Variants in SLC36A1 observed in about 807,000 individuals in gnomAD.
SLC36A1 encodes the protein proton-coupled amino acid transporter 1.
SLC36A1 carries 30 observed loss-of-function variants against 47.5 expected under a neutral mutation model. The observed-to-expected ratio is 0.63, with a 90% CI of 0.47 to 0.86. SLC36A1 has a LOEUF of 0.86. SLC36A1 is among the 40% of genes least tolerant of loss of function. The probability of loss-of-function intolerance (pLI) is 0.00; values close to 1 mark genes in which losing one functional copy is unlikely to be tolerated. For missense variants in SLC36A1, 517 were observed against 606.0 expected (o/e 0.85, Z 1.54); for synonymous variants, 255 against 249.7 (o/e 1.02, Z -0.20).
the SLC36A1 span, among the ~76,000 whole-genome samples, chr5:151,509,046 GAC>G: frequency 4.6e-5 from 7 of 152,140 alleles, no homozygotes; most frequent in African/African-American, 1.7e-4. Flanking sequence ...TTCTAGGAAT[GAC>G]AGTTTCCCTT....
At chr5:151,505,942 C>G in the SLC36A1 span, 1 of 1,581,076 alleles carries the variant, frequency 6.3e-7, no homozygotes, top group Non-Finnish European at 8.6e-7. Context: ...AAGGGGAAGC[C>G]CCCATAGAGG....
At chr5:151,430,077 T>C in the SLC36A1 span, among the ~76,000 whole-genome samples, 1 of 152,068 alleles carries the variant, frequency 6.6e-6, no homozygotes, top group African/African-American at 2.4e-5. Flanking sequence ...ATTAGGAGGA[T>C]ATAGAGGTAA....
At chr5:151,515,673 T>C in the SLC36A1 span, among the ~76,000 whole-genome samples, 2 of 152,318 alleles carry the variant, frequency 1.3e-5, no homozygotes, top group African/African-American at 4.8e-5. Flanking sequence ...CCTGTTGGCT[T>C]TGCCTTCAAA....
chr5:151,417,930 C>A, the SLC36A1 span, among the ~76,000 whole-genome samples: 7 of 152,234 alleles, frequency 4.6e-5, no homozygotes, highest in African/African-American at 1.7e-4. Flanking sequence ...GTTTTGTGGG[C>A]CAGGCCTAGG....
At chr5:151,520,482 T>C in the SLC36A1 span, among the ~76,000 whole-genome samples, 4 of 151,244 alleles carry the variant, frequency 2.6e-5, no homozygotes, top group South Asian at 6.3e-4. Flanking sequence ...TGCCGATTAG[T>C]TTAGGTGACA....
At chr5:151,452,377 G>T (rs905668468) in intron 1 of SLC36A1, 1 of 152,196 alleles carries the variant, frequency 6.6e-6, no homozygotes, top group Non-Finnish European at 1.5e-5. Context: ...ATACATCTGG[G>T]GAATTTGCCG....
chr5:151,358,739 C>G, the SLC36A1 span, among the ~76,000 whole-genome samples: 3 of 151,410 alleles, frequency 2.0e-5, no homozygotes, highest in Admixed American at 1.3e-4. Flanking sequence ...TTTGGGAGGC[C>G]GAGGCGGGTG....
At chr5:151,439,604 G>A (rs1031287312) in intron 1 of SLC36A1, among the ~76,000 whole-genome samples, 1 of 149,280 alleles carries the variant, frequency 6.7e-6, no homozygotes, top group East Asian at 2.0e-4. Context: ...AGTGAGCTGA[G>A]ATCATGCCAC....
the SLC36A1 span, among the ~76,000 whole-genome samples, chr5:151,421,019 C>T: frequency 4.0e-5 from 6 of 151,648 alleles, no homozygotes; most frequent in South Asian, 2.1e-4. Context: ...TACAGGCGCC[C>T]GCCACCACAC....
the SLC36A1 span, chr5:151,512,713 G>T: frequency 3.8e-6 from 4 of 1,055,498 alleles, no homozygotes; most frequent in Non-Finnish European, 5.5e-6. The surrounding 1 kb of genome is among the most constrained non-coding windows in gnomAD (Gnocchi z 4.1). Flanking sequence ...TGGGTAGGAG[G>T]GGGGTGTTTG....
At chr5:151,360,519 G>A in the SLC36A1 span, among the ~76,000 whole-genome samples, 2 of 152,232 alleles carry the variant, frequency 1.3e-5, no homozygotes, top group Admixed American at 6.5e-5. Flanking sequence ...TGCTGTTTCA[G>A]GGGTGGCAGG....
At chr5:151,396,790 C>T in the SLC36A1 span, among the ~76,000 whole-genome samples, 1 of 152,296 alleles carries the variant, frequency 6.6e-6, no homozygotes, top group Middle Eastern at 3.4e-3. Context: ...TTGACTACAA[C>T]CCTAGGAAAC....
intron 6 of SLC36A1, 77 bp downstream of exon 6, chr5:151,467,360 T>G (rs1561756497): frequency 9.4e-7 from 1 of 1,065,212 alleles, no homozygotes; most frequent in South Asian, 1.4e-5. Flanking sequence ...AGTTTTTGTT[T>G]AGGATTTTTT....
the SLC36A1 span, chr5:151,531,840 C>G: frequency 6.2e-7 from 1 of 1,614,030 alleles, no homozygotes; most frequent in Non-Finnish European, 8.5e-7. This position sits in a 1 kb window ranked among gnomAD's most constrained non-coding sequence, Gnocchi z 5.7. Flanking sequence ...AGGCACGGAC[C>G]GTGAGCTCCA....
the SLC36A1 span, among the ~76,000 whole-genome samples, chr5:151,393,642 T>C: frequency 1.3e-5 from 2 of 152,194 alleles, no homozygotes; most frequent in Non-Finnish European, 2.9e-5. Context: ...TAAAGGATTT[T>C]ATTTCTCCTT....
the SLC36A1 span, chr5:151,543,630 C>T: frequency 2.5e-6 from 4 of 1,614,068 alleles, no homozygotes; most frequent in South Asian, 2.2e-5. Flanking sequence ...AATCAATCAC[C>T]TTGGTTCCAA....
chr5:151,440,024 G>C (rs1274185602), intron 1 of SLC36A1, among the ~76,000 whole-genome samples: 3 of 152,192 alleles, frequency 2.0e-5, no homozygotes, highest in African/African-American at 4.8e-5. Flanking sequence ...TCATAATGCT[G>C]ATGAATGCTT....
the SLC36A1 span, chr5:151,382,177 CA>C: frequency 9.5e-7 from 1 of 1,050,898 alleles, no homozygotes; most frequent in Non-Finnish European, 1.5e-6. Flanking sequence ...GTGTGCATGG[CA>C]CTGAATGAGC....
chr5:151,541,274 G>A, the SLC36A1 span, among the ~76,000 whole-genome samples: 1 of 152,226 alleles, frequency 6.6e-6, no homozygotes, highest in Admixed American at 6.5e-5. Context: ...GTGGGAATAT[G>A]GATTTCTCAC....
Sources: gnomAD v4.1 joint callset for allele counts (sites outside exome capture counted in the v4.1 genomes callset) on GRCh38, gnomAD v4.1.1 for gene constraint, Gnocchi (gnomAD v3.1) non-coding constraint, MANE v1.5 for transcripts, NCBI Gene and HGNC (gene_info 2026-07-23, HGNC 2026-07-21) for gene names.